The following GBE1 variants were observed in gnomAD, a reference collection of about 807,000 sequenced individuals.
GBE1 encodes 1,4-alpha-glucan branching enzyme 1.
In GBE1, 70 loss-of-function variants were observed where a neutral mutation model predicts 88.8. That is an observed-to-expected ratio of 0.79 (90% CI 0.65 to 0.96). GBE1 has a LOEUF of 0.96. GBE1 is among the 40% of genes least tolerant of loss of function. The pLI is 0.00. For synonymous variants in GBE1, 284 were observed against 300.1 expected (o/e 0.95, Z 0.56); for missense variants, 872 against 871.0 (o/e 1.00, Z -0.01).
At chr3:81,658,966 A>G (rs752492725) in intron 3 of GBE1, among the ~76,000 whole-genome samples, 2 of 152,236 alleles carry the variant, frequency 1.3e-5, no homozygotes, top group Non-Finnish European at 2.9e-5. Context: ...ATTACACATG[A>G]TACAAAAATA....
intron 12 of GBE1, among the ~76,000 whole-genome samples, chr3:81,551,073 T>C (rs1397853904): frequency 6.6e-6 from 1 of 152,200 alleles, no homozygotes; most frequent in African/African-American, 2.4e-5. Flanking sequence ...CGTTCTCTCA[T>C]GTCTTTCTCC....
chr3:81,575,572 CT>C, intron 12 of GBE1, among the ~76,000 whole-genome samples: 2 of 152,068 alleles, frequency 1.3e-5, no homozygotes, highest in East Asian at 3.9e-4. Flanking sequence ...TGTTTTATTT[CT>C]TTTGACTCAC....
intron 2 of GBE1, among the ~76,000 whole-genome samples, chr3:81,696,758 T>C (rs988254451): frequency 6.6e-5 from 10 of 152,108 alleles, no homozygotes. Context: ...AAGTACTGTA[T>C]TAACAGAGCA....
At chr3:81,591,254 T>C (rs534103839) in intron 8 of GBE1, 90 bp from the exon 9 acceptor site, 48 of 1,033,994 alleles carry the variant, frequency 4.6e-5, no homozygotes, top group Middle Eastern at 2.2e-4. Flanking sequence ...TTTGTTTATA[T>C]GAATTTTGTT....
intron 2 of GBE1, among the ~76,000 whole-genome samples, chr3:81,678,845 A>G (rs1705298113): frequency 6.6e-6 from 1 of 152,200 alleles, no homozygotes; most frequent in African/African-American, 2.4e-5. Context: ...TTGCATATCA[A>G]TAGTAGCATA....
intron 14 of GBE1, among the ~76,000 whole-genome samples, chr3:81,501,409 G>A (rs1702584362): frequency 6.6e-6 from 1 of 152,098 alleles, no homozygotes; most frequent in Non-Finnish European, 1.5e-5. Context: ...TTGCTTTTAG[G>A]TAGAAAGGAG....
chr3:81,676,717 T>C (rs1705260889), intron 2 of GBE1, among the ~76,000 whole-genome samples: 1 of 152,072 alleles, frequency 6.6e-6, no homozygotes, highest in Non-Finnish European at 1.5e-5. Context: ...GGTATACATG[T>C]GCCATGGTGG....
chr3:81,739,245 G>A (rs1002017063), intron 1 of GBE1, among the ~76,000 whole-genome samples: 1 of 152,068 alleles, frequency 6.6e-6, no homozygotes, highest in Non-Finnish European at 1.5e-5. Context: ...AGGGAGCTAG[G>A]ATTTGAACTC....
chr3:81,758,739 T>A (rs78002493), intron 1 of GBE1, among the ~76,000 whole-genome samples: 1 of 152,240 alleles, frequency 6.6e-6, no homozygotes, highest in East Asian at 1.9e-4. Flanking sequence ...GTCATGCTAA[T>A]AATGTACTAA....
chr3:81,509,750 A>T (rs145382545), intron 14 of GBE1: 44 of 152,070 alleles, frequency 2.9e-4, no homozygotes, highest in African/African-American at 1.0e-3. Context: ...ACCAAACTTG[A>T]ATTTTTCCCT....
chr3:81,528,183 C>G (rs556047190), intron 14 of GBE1, among the ~76,000 whole-genome samples: 5 of 132,048 alleles, frequency 3.8e-5, no homozygotes, highest in Non-Finnish European at 7.7e-5. Flanking sequence ...CACATGGACA[C>G]AGGAAGGGGA....
chr3:81,618,976 C>CT (rs949647020), intron 7 of GBE1, among the ~76,000 whole-genome samples: 5 of 147,240 alleles, frequency 3.4e-5, no homozygotes, highest in East Asian at 4.5e-4. Context: ...ATATGAGATT[C>CT]TTTTTAAAAA....
At chr3:81,545,918 C>T (rs1005527353) in intron 12 of GBE1, among the ~76,000 whole-genome samples, 5 of 152,072 alleles carry the variant, frequency 3.3e-5, no homozygotes, top group South Asian at 2.1e-4. Flanking sequence ...AGTTACCAAA[C>T]GGACTGCCAT....
chr3:81,553,795 G>A (rs988497577), intron 12 of GBE1, among the ~76,000 whole-genome samples: 2 of 151,762 alleles, frequency 1.3e-5, no homozygotes, highest in Non-Finnish European at 2.9e-5. Context: ...GAAGAGAACA[G>A]ATAAAGCACT....
At chr3:81,539,774 A>C (rs1325986184) in intron 12 of GBE1, among the ~76,000 whole-genome samples, 2 of 152,058 alleles carry the variant, frequency 1.3e-5, no homozygotes, top group African/African-American at 4.8e-5. Flanking sequence ...CACTAGAGGA[A>C]AACGGTGACA....
At chr3:81,739,913 G>C (rs1247475290) in intron 1 of GBE1, among the ~76,000 whole-genome samples, 1 of 151,878 alleles carries the variant, frequency 6.6e-6, no homozygotes, top group Non-Finnish European at 1.5e-5. Flanking sequence ...CCTTTCCAAA[G>C]TCCATAATAA....
At chr3:81,517,485 C>T (rs1702812102) in intron 14 of GBE1, among the ~76,000 whole-genome samples, 1 of 151,400 alleles carries the variant, frequency 6.6e-6, no homozygotes, top group African/African-American at 2.4e-5. Context: ...CCAATCTGCA[C>T]TGTCTCCAAG....
At chr3:81,704,793 A>G (rs1393514751) in intron 2 of GBE1, among the ~76,000 whole-genome samples, 1 of 152,094 alleles carries the variant, frequency 6.6e-6, no homozygotes, top group Admixed American at 6.6e-5. Flanking sequence ...AAAACTTAGT[A>G]GATTGTATTA....
chr3:81,529,514 C>T (rs1258073748), intron 14 of GBE1, among the ~76,000 whole-genome samples: 2 of 151,914 alleles, frequency 1.3e-5, no homozygotes, highest in East Asian at 3.9e-4. Flanking sequence ...CAAAATCCCT[C>T]AGCTTTTGTT....
Sources: allele counts gnomAD v4.1 joint callset (sites outside exome capture counted in the v4.1 genomes callset), GRCh38; gene constraint gnomAD v4.1.1; transcripts MANE v1.5; gene names NCBI Gene and HGNC (gene_info 2026-07-23, HGNC 2026-07-21).